Variants in CTIF observed in about 807,000 individuals in gnomAD.
CTIF encodes the protein cap binding complex dependent translation initiation factor.
In CTIF, 21 loss-of-function variants were observed where a neutral mutation model predicts 66.0. The observed-to-expected ratio is 0.32, with a 90% confidence interval of 0.23 to 0.46. CTIF has a LOEUF of 0.46. Ranked by LOEUF, CTIF falls within the 20% of genes least tolerant of loss-of-function variation. CTIF has a pLI of 1.00. For synonymous variants in CTIF, 345 were observed against 326.4 expected (o/e 1.06, Z -0.62); for missense variants, 739 against 812.7 (o/e 0.91, Z 1.10).
intron 7 of CTIF, among the ~76,000 whole-genome samples, chr18:48,746,075 G>A (rs944871052): frequency 3.9e-5 from 6 of 152,338 alleles, no homozygotes; most frequent in Middle Eastern, 3.4e-3. Flanking sequence ...GGAGTGAGGC[G>A]GCTGGCGGCG....
At chr18:48,708,968 G>A (rs913610468) in intron 6 of CTIF, among the ~76,000 whole-genome samples, 2 of 152,120 alleles carry the variant, frequency 1.3e-5, no homozygotes, top group Non-Finnish European at 2.9e-5. Context: ...AGGATCACAG[G>A]AAAGATAACG....
At chr18:48,785,963 C>T (rs1214304150) in intron 9 of CTIF, among the ~76,000 whole-genome samples, 1 of 152,176 alleles carries the variant, frequency 6.6e-6, no homozygotes, top group East Asian at 1.9e-4. Flanking sequence ...TTCATCCTCA[C>T]AGCAACCCCG....
intron 1 of CTIF, among the ~76,000 whole-genome samples, chr18:48,603,284 G>A (rs950667310): frequency 3.3e-4 from 49 of 150,198 alleles, no homozygotes; most frequent in Non-Finnish European, 6.5e-4. Flanking sequence ...TGGGTGGACC[G>A]ATGGGTGGGT....
At chr18:48,597,376 A>G (rs2090005371) in intron 1 of CTIF, among the ~76,000 whole-genome samples, 1 of 152,170 alleles carries the variant, frequency 6.6e-6, no homozygotes, top group Admixed American at 6.5e-5. Flanking sequence ...TGTGTTGAAT[A>G]TGTGTCCCCT....
chr18:48,563,065 A>G (rs1051357891), intron 1 of CTIF, among the ~76,000 whole-genome samples: 8 of 152,286 alleles, frequency 5.3e-5, no homozygotes, highest in Admixed American at 6.5e-5. Flanking sequence ...TAGGAGCTTT[A>G]GCATAGCACC....
chr18:48,579,464 G>A (rs951302140), intron 1 of CTIF, among the ~76,000 whole-genome samples: 3 of 152,156 alleles, frequency 2.0e-5, no homozygotes, highest in African/African-American at 7.2e-5. Flanking sequence ...TGTTTTACAT[G>A]TAGATACCCA....
At chr18:48,563,038 A>G (rs755498820) in intron 1 of CTIF, among the ~76,000 whole-genome samples, 1 of 152,222 alleles carries the variant, frequency 6.6e-6, no homozygotes, top group African/African-American at 2.4e-5. Flanking sequence ...ATGACCCCAC[A>G]TAGCCTGGGG....
At chr18:48,797,486 A>T (rs1383685654) in intron 9 of CTIF, among the ~76,000 whole-genome samples, 1 of 134,116 alleles carries the variant, frequency 7.5e-6, no homozygotes, top group Non-Finnish European at 1.6e-5. Flanking sequence ...CCATCCAAAA[A>T]AGAAAAGGGG....
chr18:48,619,786 G>T, intron 2 of CTIF, 41 bp downstream of exon 2: 3 of 1,472,068 alleles, frequency 2.0e-6, no homozygotes, highest in African/African-American at 1.4e-5. Flanking sequence ...GGGAAATTCA[G>T]AGGGGGTGAT....
chr18:48,621,112 C>G (rs1371546329), intron 2 of CTIF, among the ~76,000 whole-genome samples: 1 of 152,174 alleles, frequency 6.6e-6, no homozygotes, highest in East Asian at 1.9e-4. Flanking sequence ...AGGCACTATT[C>G]TAGGACTCGT....
chr18:48,603,491 G>GGATGGATGGA (rs1555652771), intron 1 of CTIF, among the ~76,000 whole-genome samples: 20 of 79,336 alleles, frequency 2.5e-4, no homozygotes, highest in Admixed American at 6.7e-4. Context: ...GGGTGGGTGG[G>GGATGGATGGA]TGGGTGGGTG....
chr18:48,585,201 T>C (rs191045591), intron 1 of CTIF, among the ~76,000 whole-genome samples: 417 of 152,380 alleles, frequency 2.7e-3, no homozygotes, highest in Non-Finnish European at 3.4e-3. Flanking sequence ...GTAAAAGTGC[T>C]GCATCTTCTT....
intron 10 of CTIF, among the ~76,000 whole-genome samples, chr18:48,840,075 G>C (rs1020056753): frequency 6.6e-6 from 1 of 152,156 alleles, no homozygotes; most frequent in Non-Finnish European, 1.5e-5. Flanking sequence ...TTCTGGCTAC[G>C]GAGGTCAGAG....
Position 48,747,938 on chromosome 18 carries a change from A to T in CTIF, c.585-9981A>T, listed in dbSNP as rs575319481. 3.8e-3 allele frequency among the ~76,000 whole-genome samples: 573 copies of T among 150,302 alleles called. 8 individuals carry two copies. Among genetic ancestry groups the T allele is most frequent in the Non-Finnish European group, 5.7e-3 (386 of 67,676 alleles). ...AACCCTGACTCTAAGAAATAATAAT[A>T]ATTATTATTATTATTATTTAACAAA... On this transcript the variant is annotated intron_variant, in intron 7 of 11. Coordinates refer to ENST00000256413, the MANE Select transcript of CTIF (RefSeq NM_014772.3).
At chr18:48,845,951 C>T (rs1043544297) in intron 10 of CTIF, among the ~76,000 whole-genome samples, 3 of 152,210 alleles carry the variant, frequency 2.0e-5, no homozygotes, top group Non-Finnish European at 2.9e-5. Context: ...GCACAGCAAC[C>T]TTCTAACGGT....
At chr18:48,730,349 T>TCCTGCTGTGTGAGGGGCC (rs2092433173) in intron 7 of CTIF, among the ~76,000 whole-genome samples, 1 of 82,464 alleles carries the variant, frequency 1.2e-5, no homozygotes, top group African/African-American at 4.0e-5. Context: ...TGTGAGGGGC[T>TCCTGCTGTGTGAGGGGCC]CCTGCTGTGT....
chr18:48,856,311 A>T (rs536534541), intron 10 of CTIF, among the ~76,000 whole-genome samples: 1 of 152,342 alleles, frequency 6.6e-6, no homozygotes, highest in South Asian at 2.1e-4. Context: ...TGCTAGTGAG[A>T]GTGTAAAATG....
intron 3 of CTIF, among the ~76,000 whole-genome samples, chr18:48,646,607 C>T (rs2091036230): frequency 6.6e-6 from 1 of 151,818 alleles, no homozygotes; most frequent in Non-Finnish European, 1.5e-5. Context: ...ATTAGCTGGG[C>T]ATAGTGGCAC....
chr18:48,558,384 A>C (rs890141213), intron 1 of CTIF, among the ~76,000 whole-genome samples: 1 of 152,254 alleles, frequency 6.6e-6, no homozygotes, highest in Admixed American at 6.5e-5. Flanking sequence ...GGTATGACAG[A>C]AAACTCCAAG....
Sources: gnomAD v4.1 joint callset for allele counts (sites outside exome capture counted in the v4.1 genomes callset) on GRCh38, gnomAD v4.1.1 for gene constraint, MANE v1.5 for transcripts, NCBI Gene and HGNC (gene_info 2026-07-23, HGNC 2026-07-21) for gene names.